The following PMS1 variants were observed in gnomAD, a reference collection of about 807,000 sequenced individuals.
The protein encoded by PMS1 is PMS1 homolog 1, mismatch repair system component.
PMS1 carries 79 observed loss-of-function variants against 93.1 expected under a neutral mutation model. The ratio of observed to expected loss-of-function variants is 0.85; its 90% CI spans 0.71 to 1.02. The LOEUF is 1.02. Ranked by LOEUF, PMS1 falls within the 50% of genes least tolerant of loss-of-function variation. PMS1 has a pLI of 0.00. For missense variants in PMS1, 1,064 were observed against 1,085.3 expected (o/e 0.98, Z 0.28); for synonymous variants, 335 against 363.4 (o/e 0.92, Z 0.89).
At chr2:189,846,854 CTTTTTTTTCTTT>C (rs2054294768) in intron 6 of PMS1, among the ~76,000 whole-genome samples, 1 of 148,352 alleles carries the variant, frequency 6.7e-6, no homozygotes, top group African/African-American at 2.5e-5. Context: ...CATTCCACTT[CTTTTTTTTCTTT>C]TTTTTTTTTT....
rs547734728 is a variant in PMS1 at position 189,806,550 on chromosome 2, A to T, written c.418+796A>T. ...GTAGCTGGGACTACAGGTGCATACC[A>T]CCACACCCGGCTAATTTTTGTATTT... On this transcript the variant is annotated intron_variant, in intron 4 of 12. Transcript: ENST00000441310. The T allele has an allele frequency of 9.5e-4, 190 of 199,454 alleles. 2 individuals are homozygous for T. Among genetic ancestry groups the T allele is most frequent in the African/African-American group, 4.0e-3 (170 of 42,734 alleles). The allele number at this position is 199,454 out of a possible 1,614,324, so 12.4% of individuals were successfully genotyped here. A position where few individuals can be genotyped will look rare whatever the true frequency, so the allele number is the denominator to read the frequency against.
At chr2:189,841,024 A>G (rs2053779257) in intron 5 of PMS1, among the ~76,000 whole-genome samples, 1 of 152,210 alleles carries the variant, frequency 6.6e-6, no homozygotes, top group South Asian at 2.1e-4. Context: ...AGAATTCCCA[A>G]TTAGAGTCTG....
chr2:189,850,611 A>G (rs1010420750), intron 6 of PMS1, among the ~76,000 whole-genome samples: 8 of 152,128 alleles, frequency 5.3e-5, no homozygotes, highest in Non-Finnish European at 1.0e-4. Flanking sequence ...GAGAGCAGGA[A>G]AAAGGGGGCT....
intron 11 of PMS1, among the ~76,000 whole-genome samples, chr2:189,868,283 CA>C (rs2056842268): frequency 6.6e-6 from 1 of 152,136 alleles, no homozygotes; most frequent in Non-Finnish European, 1.5e-5. Flanking sequence ...AATTGCCTAA[CA>C]AAAATGGACA....
chr2:189,870,012 G>T lies in PMS1; in HGVS notation c.2473+2083G>T, dbSNP rs551051594. Among the ~76,000 whole-genome samples the T allele has an allele frequency of 2.0e-5, 3 of 151,962 alleles. No individual in the cohort carries two copies. The East Asian group carries it at 5.8e-4, about 29-fold the overall frequency. On this transcript the variant is annotated intron_variant, in intron 11 of 12. Transcript: ENST00000441310. ...TATTGAATGCCTAATACTTTCCATA[G>T]CATCAAAGATGCAAAAATGATTAAG...
At chr2:189,820,563 T>C (rs1238968373) in intron 5 of PMS1, among the ~76,000 whole-genome samples, 2 of 152,118 alleles carry the variant, frequency 1.3e-5, no homozygotes, top group Admixed American at 1.3e-4. Flanking sequence ...CTTCAAGCAA[T>C]ACACGCTCCC....
intron 2 of PMS1, among the ~76,000 whole-genome samples, chr2:189,792,545 A>G (rs2048959869): frequency 6.6e-6 from 1 of 151,664 alleles, no homozygotes; most frequent in Non-Finnish European, 1.5e-5. Flanking sequence ...AAATCTCTTA[A>G]TTATCAGATA....
chr2:189,855,337 T>G lies in PMS1; in HGVS notation c.1856+209T>G, dbSNP rs553900617. 1.0e-4 allele frequency among the ~76,000 whole-genome samples: 9 copies of G among 86,514 alleles called. No individual in the cohort carries two copies. In the South Asian group the frequency reaches 1.4e-3, roughly 14 times the overall value. 56.8% of individuals were successfully genotyped at this position (86,514 alleles called of 152,430 possible). A position where few individuals can be genotyped will look rare whatever the true frequency, so the allele number is the denominator to read the frequency against. On this transcript the variant is annotated intron_variant, in intron 9 of 12. Transcript: ENST00000441310. ...TGGGGCGGGGGCTTGTATTATTTTGTTTTTTTTTTGTTTAAGCCTTAACTG... is the reference window on the plus strand; with the variant it reads ...TGGGGCGGGGGCTTGTATTATTTTGGTTTTTTTTTGTTTAAGCCTTAACTG...
chr2:189,822,431 T>C (rs2052007412), intron 5 of PMS1, among the ~76,000 whole-genome samples: 1 of 151,814 alleles, frequency 6.6e-6, no homozygotes, highest in South Asian at 2.1e-4. Context: ...CTCTTTGTAC[T>C]GCTGACTTAA....
In PMS1 at chr2:189,785,853, G is replaced by A. The variant is rs5742942; in HGVS notation, c.-21+1260G>A. On this transcript the variant is annotated intron_variant, in intron 1 of 12. Transcript: ENST00000441310. ...TAAGAGAGACAAGTTGGCTGGGCAC[G>A]GTGGCTCACACCTGTAATCCCAGCA... 1.2e-4 allele frequency among the ~76,000 whole-genome samples: 19 copies of A among 152,276 alleles called. No homozygotes were observed. In the South Asian group the frequency reaches 3.7e-3, roughly 30 times the overall value.
At chr2:189,849,805 G>T (rs1223493677) in intron 6 of PMS1, among the ~76,000 whole-genome samples, 5 of 149,780 alleles carry the variant, frequency 3.3e-5, no homozygotes, top group African/African-American at 1.2e-4. Context: ...GTTTGGAGTT[G>T]TCTCTGTTCT....
At chr2:189,806,548 C>T (rs779347994) in intron 4 of PMS1, 60 of 199,704 alleles carry the variant, frequency 3.0e-4, no homozygotes, top group Admixed American at 6.1e-5. Context: ...CAGGTGCATA[C>T]CACCACACCC....
At chr2:189,789,157 C>A (rs1413791408) in intron 1 of PMS1, among the ~76,000 whole-genome samples, 1 of 152,142 alleles carries the variant, frequency 6.6e-6, no homozygotes, top group African/African-American at 2.4e-5. Context: ...GAATTCTCAG[C>A]ATTCCTTTAC....
At chr2:189,830,676 C>CA (rs895418221) in intron 5 of PMS1, among the ~76,000 whole-genome samples, 5 of 152,136 alleles carry the variant, frequency 3.3e-5, no homozygotes, top group Middle Eastern at 3.4e-3. Flanking sequence ...AGTGGGTGCT[C>CA]AAAAAACATG....
intron 5 of PMS1, among the ~76,000 whole-genome samples, chr2:189,821,226 G>A (rs1295687437): frequency 6.6e-6 from 1 of 152,070 alleles, no homozygotes; most frequent in Admixed American, 6.5e-5. Context: ...GGAGGCTGAG[G>A]TGAGTGGATC....
At chr2:189,845,726 T>C (rs2054198003) in intron 6 of PMS1, among the ~76,000 whole-genome samples, 1 of 152,106 alleles carries the variant, frequency 6.6e-6, no homozygotes, top group African/African-American at 2.4e-5. Context: ...GCACTTATAC[T>C]CATTTTTCTT....
intron 5 of PMS1, among the ~76,000 whole-genome samples, chr2:189,835,897 A>T (rs577982053): frequency 4.5e-5 from 6 of 133,470 alleles, no homozygotes; most frequent in Non-Finnish European, 7.7e-5. Flanking sequence ...ACTGTACTCT[A>T]GCCTGTCTCA....
At chr2:189,860,727 G>A (rs2055872191) in intron 9 of PMS1, among the ~76,000 whole-genome samples, 1 of 147,856 alleles carries the variant, frequency 6.8e-6, no homozygotes, top group African/African-American at 2.5e-5. Flanking sequence ...GTTGCTAGAT[G>A]GTAGTGTTCC....
At chr2:189,822,249 G>A (rs1214971858) in intron 5 of PMS1, among the ~76,000 whole-genome samples, 1 of 152,160 alleles carries the variant, frequency 6.6e-6, no homozygotes, top group Non-Finnish European at 1.5e-5. Context: ...GATGCGCCTG[G>A]GTAGGAGCAC....
Sources: allele counts gnomAD v4.1 joint callset (sites outside exome capture counted in the v4.1 genomes callset), GRCh38; gene constraint gnomAD v4.1.1; transcripts MANE v1.5; gene names NCBI Gene and HGNC (gene_info 2026-07-23, HGNC 2026-07-21).